Variants in CYP19A1 observed in about 807,000 individuals in gnomAD.
The protein encoded by CYP19A1 is cytochrome P450 family 19 subfamily A member 1.
CYP19A1 carries 32 observed loss-of-function variants against 44.4 expected under a neutral mutation model. That is an observed-to-expected ratio of 0.72 (90% CI 0.54 to 0.97). The LOEUF (loss-of-function observed/expected upper bound fraction) is 0.97. Ranked by LOEUF, CYP19A1 falls within the 50% of genes least tolerant of loss-of-function variation. CYP19A1 has a pLI of 0.00. For synonymous variants in CYP19A1, 212 were observed against 215.6 expected, an observed-to-expected ratio of 0.98 and a Z score of 0.14; for missense variants, 598 against 637.8, an observed-to-expected ratio of 0.94 and a Z score of 0.67.
At chr15:51,333,933 C>A (rs76503506) in intron 1 of CYP19A1, among the ~76,000 whole-genome samples, 8 of 152,128 alleles carry the variant, frequency 5.3e-5, no homozygotes, top group East Asian at 3.9e-4. Flanking sequence ...TTTTTAGGAC[C>A]TATATGCACC....
intron 1 of CYP19A1, among the ~76,000 whole-genome samples, chr15:51,328,615 C>A (rs1309317313): frequency 6.6e-6 from 1 of 151,254 alleles, no homozygotes; most frequent in East Asian, 1.9e-4. Context: ...GTGTGACTTC[C>A]AACAGCTGGA....
chr15:51,249,472 A>G (rs2034214426), intron 1 of CYP19A1, among the ~76,000 whole-genome samples: 1 of 152,176 alleles, frequency 6.6e-6, no homozygotes, highest in South Asian at 2.1e-4. Context: ...TGGGTCTTGG[A>G]CTACTACTGC....
chr15:51,310,739 T>C (rs2141011799), intron 1 of CYP19A1, among the ~76,000 whole-genome samples: 1 of 152,326 alleles, frequency 6.6e-6, no homozygotes, highest in South Asian at 2.1e-4. Flanking sequence ...GCTCCAGCTC[T>C]GAGAGAAATC....
intron 1 of CYP19A1, among the ~76,000 whole-genome samples, chr15:51,250,222 A>C (rs941978399): frequency 1.3e-5 from 2 of 152,148 alleles, no homozygotes; most frequent in African/African-American, 2.4e-5. Context: ...CCCACATTTC[A>C]CATGTGTGTG....
chr15:51,270,140 G>A (rs1377362215), intron 1 of CYP19A1, among the ~76,000 whole-genome samples: 1 of 151,250 alleles, frequency 6.6e-6, no homozygotes, highest in African/African-American at 2.4e-5. Flanking sequence ...CTGGTGTAGA[G>A]GTCTTAGACA....
Position 51,328,551 on chromosome 15 carries a change from T to C in CYP19A1, c.-39+9944A>G, listed in dbSNP as rs548205236. Among the ~76,000 whole-genome samples, 519 of 45,776 alleles carry C rather than the reference T, an allele frequency of 0.011. 4 individuals carry two copies. In the African/African-American group the frequency reaches 0.14, roughly 12 times the overall value. 30.0% of individuals were successfully genotyped at this position (45,776 alleles called of 152,430 possible). On this transcript the variant is annotated intron_variant, in intron 1 of 9. Transcript: ENST00000396402. ...AATCCTGAGTTACAGGGCAGGGGTGTGTGTGTGTGTGTGTGTGTGTGTGTG... is the reference window on the plus strand; with the variant it reads ...AATCCTGAGTTACAGGGCAGGGGTGCGTGTGTGTGTGTGTGTGTGTGTGTG...
intron 2 of CYP19A1, among the ~76,000 whole-genome samples, chr15:51,239,193 A>G (rs2033596507): frequency 6.6e-6 from 1 of 152,192 alleles, no homozygotes; most frequent in African/African-American, 2.4e-5. Flanking sequence ...TCACACCCTA[A>G]AAGAAGCAGT....
chr15:51,262,324 C>T (rs1166079382), intron 1 of CYP19A1, among the ~76,000 whole-genome samples: 1 of 152,156 alleles, frequency 6.6e-6, no homozygotes, highest in Non-Finnish European at 1.5e-5. Flanking sequence ...GGGCTCTCAG[C>T]TCTGAAGGCT....
chr15:51,273,391 G>T (rs2035198181), intron 1 of CYP19A1, among the ~76,000 whole-genome samples: 1 of 152,180 alleles, frequency 6.6e-6, no homozygotes, highest in South Asian at 2.1e-4. Flanking sequence ...ATCCAGGGAA[G>T]CAGTTAGTTA....
At chr15:51,225,961 C>A (rs2032535978) in intron 4 of CYP19A1, among the ~76,000 whole-genome samples, 1 of 151,644 alleles carries the variant, frequency 6.6e-6, no homozygotes, top group Non-Finnish European at 1.5e-5. Flanking sequence ...TGGTGGTGGG[C>A]ACCTGTAGTC....
chr15:51,276,544 G>A (rs2035317028), intron 1 of CYP19A1, among the ~76,000 whole-genome samples: 1 of 152,202 alleles, frequency 6.6e-6, no homozygotes, highest in African/African-American at 2.4e-5. Context: ...GTTACATCTT[G>A]TAATTATTTA....
intron 1 of CYP19A1, among the ~76,000 whole-genome samples, chr15:51,250,298 C>T (rs183888744): frequency 3.2e-4 from 48 of 152,322 alleles, no homozygotes; most frequent in East Asian, 2.5e-3. Flanking sequence ...TCTGAGGTTC[C>T]GTGACTTCTA....
In CYP19A1 at chr15:51,329,966, TG is replaced by T. The variant is rs531964300; in HGVS notation, c.-39+8528del. 4.6e-5 allele frequency among the ~76,000 whole-genome samples: 7 copies of T among 152,260 alleles called. No individual in the cohort carries two copies. The East Asian group carries it at 1.4e-3, about 29-fold the overall frequency. ...GGAGCAGCTAGCCCTCCCTGGGATG[TG>T]GGGCTGGAGGGCTCCCCAGAAGGGA... On this transcript the variant is annotated intron_variant, in intron 1 of 9. Coordinates refer to ENST00000396402, the MANE Select transcript of CYP19A1 (RefSeq NM_000103.4).
intron 1 of CYP19A1, among the ~76,000 whole-genome samples, chr15:51,302,256 A>G (rs977136683): frequency 6.6e-6 from 1 of 152,212 alleles, no homozygotes; most frequent in East Asian, 1.9e-4. Context: ...AGTCCTGGGC[A>G]TATTCACTTT....
At chr15:51,231,662 C>G (rs532973028) in intron 3 of CYP19A1, among the ~76,000 whole-genome samples, 2 of 151,844 alleles carry the variant, frequency 1.3e-5, no homozygotes, top group East Asian at 1.9e-4. Flanking sequence ...TTAGCGCACA[C>G]GTGCCTGCTG....
chr15:51,328,547 GGTGTGTGT>G (rs56202041), intron 1 of CYP19A1, among the ~76,000 whole-genome samples: 12,677 of 147,358 alleles, frequency 0.086, 580 homozygotes, highest in South Asian at 0.19. Context: ...ACAGGGCAGG[GGTGTGTGT>G]GTGTGTGTGT....
chr15:51,323,332 GA>G (rs2036556874), intron 1 of CYP19A1, among the ~76,000 whole-genome samples: 5 of 152,130 alleles, frequency 3.3e-5, no homozygotes, highest in Non-Finnish European at 5.9e-5. Flanking sequence ...ACTTCCTAAA[GA>G]ATTTAAGTGC....
intron 1 of CYP19A1, among the ~76,000 whole-genome samples, chr15:51,334,615 C>T (rs941843310): frequency 6.6e-6 from 1 of 152,208 alleles, no homozygotes; most frequent in Non-Finnish European, 1.5e-5. Flanking sequence ...TGAAAACAAT[C>T]ACTTTTTCAT....
intron 1 of CYP19A1, among the ~76,000 whole-genome samples, chr15:51,243,606 A>T (rs2141125908): frequency 6.6e-6 from 1 of 152,238 alleles, no homozygotes; most frequent in South Asian, 2.1e-4. Context: ...ATCCCTAGGG[A>T]CCGGCCAACG....
Sources: allele counts gnomAD v4.1 joint callset (sites outside exome capture counted in the v4.1 genomes callset), GRCh38; gene constraint gnomAD v4.1.1; transcripts MANE v1.5; gene names NCBI Gene and HGNC (gene_info 2026-07-23, HGNC 2026-07-21).